Variants in ABCA13 observed in about 807,000 individuals in gnomAD.
ABCA13 encodes ATP binding cassette subfamily A member 13, also known as ATP-binding cassette sub-family A member 13.
Under a neutral mutation model 478.7 loss-of-function variants are expected in ABCA13, and 476 were observed. The observed-to-expected ratio is 0.99, with a 90% CI of 0.92 to 1.07. ABCA13 has a LOEUF of 1.07. Among genes scored for constraint, ABCA13 ranks in the 50% least tolerant of loss-of-function variants. The pLI is 0.00. For missense variants in ABCA13, 6,060 were observed against 5,910.6 expected, an observed-to-expected ratio of 1.03 and a Z score of -0.83; for synonymous variants, 2,252 against 2,158.9, an observed-to-expected ratio of 1.04 and a Z score of -1.20.
chr7:48,597,368 A>G lies in ABCA13; in HGVS notation c.14744+2555A>G, dbSNP rs114699642. 6.2e-3 allele frequency among the ~76,000 whole-genome samples: 945 copies of G among 152,320 alleles called. 8 individuals carry two copies. Among genetic ancestry groups the G allele is most frequent in the African/African-American group, 0.021 (869 of 41,570 alleles). ...CTTTTATTTATCCATTCACCAGTTG[A>G]TAAGCATTTGGGTTGTTTCCAGTGT... On this transcript the variant is annotated intron_variant, in intron 58 of 61. Coordinates refer to ENST00000435803, the MANE Select transcript of ABCA13 (RefSeq NM_152701.5).
At chr7:48,241,138 C>A in intron 10 of ABCA13, 72 bp downstream of exon 10, 1 of 1,495,918 alleles carries the variant, frequency 6.7e-7, no homozygotes, top group Non-Finnish European at 9.2e-7. Context: ...CGTGATGATA[C>A]TGTTAGAAAC....
chr7:48,574,580 T>A (rs1787983752), intron 55 of ABCA13, among the ~76,000 whole-genome samples: 1 of 152,030 alleles, frequency 6.6e-6, no homozygotes, highest in African/African-American at 2.4e-5. Context: ...AGTTACAGGG[T>A]TTTTCTTACT....
intron 42 of ABCA13, among the ~76,000 whole-genome samples, chr7:48,433,795 T>C (rs927265949): frequency 4.6e-5 from 7 of 152,076 alleles, no homozygotes; most frequent in Non-Finnish European, 1.0e-4. Context: ...GACTGGCTTA[T>C]TTCACTTAGA....
At chr7:48,269,242 T>C (rs1453122392) in intron 16 of ABCA13, 148 bp downstream of exon 16, 1 of 564,812 alleles carries the variant, frequency 1.8e-6, no homozygotes, top group East Asian at 3.0e-5. Context: ...TCAATAAATA[T>C]TCCTTTAATA....
rs1160773810 is a variant in ABCA13 at position 48,245,991 on chromosome 7, G to A, written c.1620G>A (p.Thr540=). 2.5e-6 allele frequency: 4 copies of A among 1,613,576 alleles called. No homozygotes were observed. In the African/African-American group the frequency reaches 4.0e-5, roughly 16 times the overall value. Reference sequence around the variant, plus strand: ...TGTGCTATTGTAACTCCTCTGAGACGAGTGTTTTAAACAAGCTACTTGGTT... The same window carrying A: ...TGTGCTATTGTAACTCCTCTGAGACAAGTGTTTTAAACAAGCTACTTGGTT... ...GLLCYCNSSE[T]SVLNKLLGSV... The change falls in exon 13 of 62, where the codon ACG becomes ACA. Residue 540 remains threonine (T), a synonymous_variant. Coordinates refer to ENST00000435803, the MANE Select transcript of ABCA13 (RefSeq NM_152701.5).
intron 7 of ABCA13, among the ~76,000 whole-genome samples, chr7:48,232,476 A>G (rs1183586488): frequency 6.6e-6 from 1 of 152,194 alleles, no homozygotes; most frequent in Non-Finnish European, 1.5e-5. Flanking sequence ...AAGGAACACT[A>G]TTACAAAACA....
At chr7:48,518,976 C>A (rs573451110) in intron 52 of ABCA13, among the ~76,000 whole-genome samples, 1 of 152,042 alleles carries the variant, frequency 6.6e-6, no homozygotes, top group South Asian at 2.1e-4. Context: ...CACCCCATCC[C>A]CCAACAGGCC....
At chr7:48,262,274 G>A (rs1794291961) in intron 15 of ABCA13, among the ~76,000 whole-genome samples, 1 of 151,846 alleles carries the variant, frequency 6.6e-6, no homozygotes, top group Non-Finnish European at 1.5e-5. Flanking sequence ...GCTTTCTACT[G>A]ACATAGGAGA....
At chr7:48,581,056 C>A (rs1788658887) in intron 56 of ABCA13, among the ~76,000 whole-genome samples, 1 of 152,132 alleles carries the variant, frequency 6.6e-6, no homozygotes, top group Non-Finnish European at 1.5e-5. Flanking sequence ...GTACCGTGAG[C>A]CACCAAAATT....
chr7:48,287,068 C>T (rs1323820865), intron 19 of ABCA13, among the ~76,000 whole-genome samples: 10 of 151,132 alleles, frequency 6.6e-5, no homozygotes, highest in East Asian at 1.9e-4. Flanking sequence ...CAGGCATCTG[C>T]GCAGCAGGGA....
intron 48 of ABCA13, among the ~76,000 whole-genome samples, chr7:48,496,841 G>A (rs943589773): frequency 6.6e-5 from 10 of 151,314 alleles, no homozygotes; most frequent in Non-Finnish European, 1.3e-4. Context: ...TCTTTGTGAC[G>A]GCTTTAAAGA....
chr7:48,241,070 A>G lies in ABCA13; in HGVS notation c.1262+4A>G, dbSNP rs774786165. On this transcript the variant is annotated splice_donor_region_variant and intron_variant, in intron 10 of 61. Coordinates refer to ENST00000435803, the MANE Select transcript of ABCA13 (RefSeq NM_152701.5). ...ATAATCATACATTTCCAAAGATGTA[A>G]GTCGCATTTCCCTGTTTGATTATTG... The G allele has an allele frequency of 1.2e-6, 2 of 1,613,946 alleles. No individual in the cohort carries two copies. The highest frequency in any genetic ancestry group is 1.7e-6 in the Non-Finnish European group (2 of 1,179,868).
In ABCA13 at chr7:48,467,109, G is replaced by A. The variant is rs190528057; in HGVS notation, c.12905+64G>A. 2,312 of 1,469,114 alleles carry A rather than the reference G, an allele frequency of 1.6e-3. 61 individuals carry two copies. The Admixed American group carries it at 0.036, about 23-fold the overall frequency. 91.0% of individuals were successfully genotyped at this position (1,469,114 alleles called of 1,614,324 possible). On this transcript the variant is annotated intron_variant, in intron 44 of 61. Coordinates refer to ENST00000435803, the MANE Select transcript of ABCA13 (RefSeq NM_152701.5). Reference sequence around the variant, plus strand: ...AACTGGTAATATTGTAGCCTGGGAGGACTGTTTTTCTTCATGATTGGTTAT... The same window carrying A: ...AACTGGTAATATTGTAGCCTGGGAGAACTGTTTTTCTTCATGATTGGTTAT...
At chr7:48,317,006 A>C in intron 26 of ABCA13, 151 bp from the exon 27 acceptor site, 1 of 900,524 alleles carries the variant, frequency 1.1e-6, no homozygotes, top group South Asian at 1.8e-5. Context: ...ACAGATATTC[A>C]AACTATAGCA....
In ABCA13 at chr7:48,408,371, A is replaced by C. The variant is rs10235064; in HGVS notation, c.12071-2149A>C. On this transcript the variant is annotated intron_variant, in intron 39 of 61. Coordinates refer to ENST00000435803, the MANE Select transcript of ABCA13 (RefSeq NM_152701.5). ...GAATGTATCATCTGAACTACATGAT[A>C]GCTCTAGTCAGATGATCTAAACTGC... Among the ~76,000 whole-genome samples the C allele has an allele frequency of 5.8e-3, 877 of 152,322 alleles. 8 individuals carry two copies. Among genetic ancestry groups the C allele is most frequent in the African/African-American group, 0.02 (827 of 41,580 alleles).
At chr7:48,180,095 C>T (rs1343013210) in intron 1 of ABCA13, among the ~76,000 whole-genome samples, 2 of 151,822 alleles carry the variant, frequency 1.3e-5, no homozygotes, top group East Asian at 3.9e-4. Flanking sequence ...CAATACAGCA[C>T]TCTGAATTTA....
At chr7:48,613,282 G>A (rs1480929187) in intron 58 of ABCA13, among the ~76,000 whole-genome samples, 5 of 151,672 alleles carry the variant, frequency 3.3e-5, no homozygotes, top group Non-Finnish European at 7.4e-5. Flanking sequence ...TCCGCCTCCC[G>A]GGTTCAAGTG....
In ABCA13 at chr7:48,300,688, C is replaced by A. The variant is rs541656146; in HGVS notation, c.9321+2201C>A. On this transcript the variant is annotated intron_variant, in intron 23 of 61. Coordinates refer to ENST00000435803, the MANE Select transcript of ABCA13 (RefSeq NM_152701.5). ...CCATCTCATTTTTCTTTCCTGCCCTCTTCCCTGGCTGCAGAGAACCTGCCA... is the reference window on the plus strand; with the variant it reads ...CCATCTCATTTTTCTTTCCTGCCCTATTCCCTGGCTGCAGAGAACCTGCCA... Among the ~76,000 whole-genome samples, 10 of 152,304 alleles carry A rather than the reference C, an allele frequency of 6.6e-5. No individual in the cohort carries two copies. In the South Asian group the frequency reaches 2.1e-3, roughly 32 times the overall value.
intron 31 of ABCA13, among the ~76,000 whole-genome samples, chr7:48,354,380 T>C (rs1809555642): frequency 6.6e-6 from 1 of 152,046 alleles, no homozygotes; most frequent in African/African-American, 2.4e-5. Context: ...CATACACTCC[T>C]ACAAATGTAT....
Sources: allele counts gnomAD v4.1 joint callset (sites outside exome capture counted in the v4.1 genomes callset), GRCh38; gene constraint gnomAD v4.1.1; transcripts MANE v1.5; gene names NCBI Gene and HGNC (gene_info 2026-07-23, HGNC 2026-07-21).